Variants in MDGA2 observed in about 807,000 individuals in gnomAD.
MDGA2 encodes MAM domain containing glycosylphosphatidylinositol anchor 2.
In MDGA2, 40 loss-of-function variants were observed where a neutral mutation model predicts 117.8. The ratio of observed to expected loss-of-function variants is 0.34; its 90% CI spans 0.26 to 0.44. MDGA2 has a LOEUF of 0.44. MDGA2 is among the 20% of genes least tolerant of loss of function. The pLI is 1.00. For missense variants in MDGA2, 1,123 were observed against 1,250.6 expected (o/e 0.90, Z 1.54); for synonymous variants, 452 against 439.0 (o/e 1.03, Z -0.37).
intron 5 of MDGA2, among the ~76,000 whole-genome samples, chr14:47,101,173 A>G (rs1339076717): frequency 1.3e-5 from 2 of 152,194 alleles, no homozygotes; most frequent in Non-Finnish European, 1.5e-5. Flanking sequence ...GTGATTTCGA[A>G]TGACAAGAAA....
intron 14 of MDGA2, chr14:46,871,271 C>T (rs781743076): frequency 2.0e-5 from 3 of 151,772 alleles, no homozygotes; most frequent in Non-Finnish European, 2.9e-5. Context: ...TTTTTGATTG[C>T]AGAAAATCTA....
At chr14:47,358,962 A>C (rs1196549515) in intron 1 of MDGA2, among the ~76,000 whole-genome samples, 1 of 152,180 alleles carries the variant, frequency 6.6e-6, no homozygotes, top group Non-Finnish European at 1.5e-5. Context: ...AACAAACAAA[A>C]AAACTCTAAA....
chr14:46,875,143 G>T (rs1322869013), intron 12 of MDGA2, among the ~76,000 whole-genome samples: 1 of 151,702 alleles, frequency 6.6e-6, no homozygotes, highest in Non-Finnish European at 1.5e-5. Context: ...GCTATTAAAT[G>T]ATAATGTCAA....
At chr14:47,472,782 C>T (rs1452255564) in intron 1 of MDGA2, among the ~76,000 whole-genome samples, 2 of 151,974 alleles carry the variant, frequency 1.3e-5, no homozygotes, top group African/African-American at 4.8e-5. Context: ...TTTAAAAGCC[C>T]GAGCCTCCAA....
At chr14:47,004,792 C>T (rs1887654155) in intron 8 of MDGA2, among the ~76,000 whole-genome samples, 1 of 151,638 alleles carries the variant, frequency 6.6e-6, no homozygotes, top group Non-Finnish European at 1.5e-5. Context: ...AGGTCTTTCA[C>T]ATCTTTTCAC....
chr14:47,338,623 T>A (rs1259260089), intron 1 of MDGA2, among the ~76,000 whole-genome samples: 1 of 152,024 alleles, frequency 6.6e-6, no homozygotes, highest in Non-Finnish European at 1.5e-5. Flanking sequence ...GCCATTTTAG[T>A]CAATCCGTCA....
At chr14:47,004,486 T>C (rs1254853560) in intron 8 of MDGA2, among the ~76,000 whole-genome samples, 1 of 151,820 alleles carries the variant, frequency 6.6e-6, no homozygotes, top group African/African-American at 2.4e-5. Flanking sequence ...AGCCATCAGA[T>C]AGTGTTAGTC....
intron 1 of MDGA2, among the ~76,000 whole-genome samples, chr14:47,490,523 G>A (rs777771510): frequency 4.4e-4 from 67 of 152,186 alleles, no homozygotes; most frequent in Admixed American, 7.2e-4. Context: ...ATCAGGTGGT[G>A]TAGTCTGTCT....
At chr14:47,443,333 T>C (rs936897347) in intron 1 of MDGA2, among the ~76,000 whole-genome samples, 2 of 152,132 alleles carry the variant, frequency 1.3e-5, no homozygotes, top group African/African-American at 2.4e-5. Flanking sequence ...TGTGTTCCAA[T>C]TGGTGGCAAT....
intron 3 of MDGA2, among the ~76,000 whole-genome samples, chr14:47,156,174 G>A (rs1202750981): frequency 2.6e-5 from 4 of 151,648 alleles, no homozygotes; most frequent in Non-Finnish European, 5.9e-5. Flanking sequence ...CTCCCAAAGT[G>A]TGGAATTATA....
chr14:46,862,588 T>C lies in MDGA2; in HGVS notation c.2753-7434A>G, dbSNP rs372045784. ...CTAAAATGTGCATACATATTCCCCA[T>C]AGAGTCTTGAAATTGCCACATTTAC... On this transcript the variant is annotated intron_variant, in intron 14 of 16. Transcript: ENST00000399232. 1.3e-3 allele frequency among the ~76,000 whole-genome samples: 192 copies of C among 151,894 alleles called. 2 individuals carry two copies. The highest frequency in any genetic ancestry group is 4.4e-3 in the African/African-American group (184 of 41,514).
At chr14:47,064,838 GTTAAT>G (rs1449553727) in intron 6 of MDGA2, among the ~76,000 whole-genome samples, 4 of 152,178 alleles carry the variant, frequency 2.6e-5, no homozygotes, top group African/African-American at 7.2e-5. Flanking sequence ...CTCATGTAAT[GTTAAT>G]TTAAAGTCAT....
At chr14:46,909,491 C>A (rs1883619075) in intron 10 of MDGA2, among the ~76,000 whole-genome samples, 1 of 152,008 alleles carries the variant, frequency 6.6e-6, no homozygotes, top group Non-Finnish European at 1.5e-5. Flanking sequence ...AGGCCTGGTA[C>A]CTGCATCAAC....
At chr14:46,861,143 A>C (rs1881490337) in intron 14 of MDGA2, among the ~76,000 whole-genome samples, 1 of 151,868 alleles carries the variant, frequency 6.6e-6, no homozygotes, top group Admixed American at 6.6e-5. Flanking sequence ...TTTAATTGAC[A>C]GGAAATACAT....
intron 1 of MDGA2, among the ~76,000 whole-genome samples, chr14:47,652,493 G>A (rs1897663112): frequency 6.6e-6 from 1 of 152,106 alleles, no homozygotes. Flanking sequence ...TACAAAGTCA[G>A]TTTCCTTTAT....
At chr14:47,023,746 T>C (rs1289761689) in intron 8 of MDGA2, among the ~76,000 whole-genome samples, 3 of 152,162 alleles carry the variant, frequency 2.0e-5, no homozygotes, top group Non-Finnish European at 4.4e-5. Context: ...TTTAGTCACA[T>C]TAGATTTTAG....
At chr14:47,035,499 A>G (rs574339019) in intron 7 of MDGA2, among the ~76,000 whole-genome samples, 195 bp from the exon 8 acceptor site, 16 of 152,336 alleles carry the variant, frequency 1.1e-4, no homozygotes, top group Admixed American at 6.5e-4. Flanking sequence ...ATATTTTAAA[A>G]TGAGGACTTC....
At chr14:47,169,311 G>A (rs1446107070) in intron 3 of MDGA2, among the ~76,000 whole-genome samples, 1 of 151,572 alleles carries the variant, frequency 6.6e-6, no homozygotes, top group African/African-American at 2.4e-5. Flanking sequence ...AATATTCATA[G>A]ATATTTCTAT....
chr14:47,418,123 C>T lies in MDGA2; in HGVS notation c.281-116573G>A, dbSNP rs576876121. Among the ~76,000 whole-genome samples the T allele has an allele frequency of 1.1e-3, 165 of 152,202 alleles. 2 individuals are homozygous for T. The highest frequency in any genetic ancestry group is 2.2e-3 in the Admixed American group (34 of 15,280). The stretch of plus-strand genomic sequence containing the variant: ...ATGGAGTCTTGCTGTGTCGCCCAGG[C>T]TGGAGAACAGTGGCATGATCTCGGC... On this transcript the variant is annotated intron_variant, in intron 1 of 16. Coordinates refer to ENST00000399232, the MANE Select transcript of MDGA2 (RefSeq NM_001113498.3).
Sources: gnomAD v4.1 joint callset for allele counts (sites outside exome capture counted in the v4.1 genomes callset) on GRCh38, gnomAD v4.1.1 for gene constraint, MANE v1.5 for transcripts, NCBI Gene and HGNC (gene_info 2026-07-23, HGNC 2026-07-21) for gene names.